Variants in RAC3 observed in about 807,000 individuals in gnomAD.
The protein encoded by RAC3 is ras-related C3 botulinum toxin substrate 3.
A neutral mutation model predicts 19.0 loss-of-function variants in RAC3; 9 were observed. The observed-to-expected ratio is 0.47, with a 90% confidence interval of 0.29 to 0.83. The LOEUF (loss-of-function observed/expected upper bound fraction) is 0.83. Ranked by LOEUF, RAC3 falls within the 40% of genes least tolerant of loss-of-function variation. RAC3 has a pLI of 0.09. For synonymous variants in RAC3, 146 were observed against 111.8 expected (o/e 1.31, Z -1.93); for missense variants, 203 against 260.8 (o/e 0.78, Z 1.53).
Position 82,033,834 on chromosome 17 carries a change from C to T in RAC3, c.*5C>T. 1 of 1,588,762 alleles carries T rather than the reference C, an allele frequency of 6.3e-7. No homozygotes were observed. ...AAGAAGTGCACCGTCTTCTAGAGCC[C>T]TGGCCCACCCGAGCCTGAGGGCTGG... On this transcript the variant is annotated 3_prime_UTR_variant, in exon 6 of 6. Transcript: ENST00000306897. The surrounding 1 kb of genome is among the most constrained non-coding windows in gnomAD (Gnocchi z 6.2).
rs2043442130 is a variant in RAC3, at chr17:82,032,635, C to G, written c.108-76C>G. On this transcript the variant is annotated intron_variant, in intron 2 of 5. Coordinates refer to ENST00000306897, the MANE Select transcript of RAC3 (RefSeq NM_005052.3). ...CTAGTTCTGTGCAGACTTGTGAACC[C>G]CAAGACACAGGCCAGCAGGGCTGGG... is the stretch of plus-strand genomic sequence containing the variant. 2.0e-5 allele frequency: 30 copies of G among 1,498,028 alleles called. 1 individual carries two copies. Among genetic ancestry groups the G allele is most frequent in the Non-Finnish European group, 2.8e-5 (30 of 1,077,326 alleles). The allele number at this position is 1,498,028 out of a possible 1,614,324, so 92.8% of individuals were successfully genotyped here.
chr17:82,032,161 C>A (rs559439239), intron 1 of RAC3: 2 of 568,394 alleles, frequency 3.5e-6, no homozygotes, highest in Non-Finnish European at 6.2e-6. Flanking sequence ...CTGCCTGGGG[C>A]CCCAGTGTGG....
intron 1 of RAC3, 191 bp from the exon 2 acceptor site, chr17:82,032,195 AC>A (rs1235296068): frequency 5.0e-6 from 3 of 600,938 alleles, no homozygotes; most frequent in Non-Finnish European, 8.8e-6. Context: ...CTTATTCACC[AC>A]CCCAGCCCCC....
In RAC3 at chr17:82,031,728, C is replaced by G. The variant is rs1379604921; in HGVS notation, c.-34C>G. On this transcript the variant is annotated 5_prime_UTR_variant, in exon 1 of 6. Transcript: ENST00000306897. ...CCGGGCATTTCTCCGCAGCTCGGCT[C>G]GCGGCCGCGCCCGCCGCCGCCCGGC... is the stretch of plus-strand genomic sequence containing the variant. The G allele has an allele frequency of 3.0e-6, 3 of 986,626 alleles. No homozygotes were observed. Among genetic ancestry groups the G allele is most frequent in the Non-Finnish European group, 3.6e-6 (3 of 832,362 alleles). 61.1% of individuals were successfully genotyped at this position (986,626 alleles called of 1,614,324 possible). A position where few individuals can be genotyped will look rare whatever the true frequency, so the allele number is the denominator to read the frequency against.
rs573293159 is a variant in RAC3, at chr17:82,032,938, T to C, written c.226-9T>C. ...TGACCACTCCACCAGGTCCCACCTT[T>C]TTCCCAAGGACGTCTTTCTGATCTG... On this transcript the variant is annotated splice_polypyrimidine_tract_variant and intron_variant, in intron 3 of 5. Transcript: ENST00000306897. 11 of 1,613,512 alleles carry C rather than the reference T, an allele frequency of 6.8e-6. No individual in the cohort carries two copies. In the African/African-American group the frequency reaches 1.5e-4, roughly 22 times the overall value.
rs998681288 is a variant in RAC3, at chr17:82,032,651, C to A, written c.108-60C>A. The A allele has an allele frequency of 9.4e-5, 144 of 1,524,374 alleles. 1 individual carries two copies. Among genetic ancestry groups the A allele is most frequent in the Non-Finnish European group, 1.2e-4 (131 of 1,100,176 alleles). 94.4% of individuals were successfully genotyped at this position (1,524,374 alleles called of 1,614,324 possible). A position where few individuals can be genotyped will look rare whatever the true frequency, so the allele number is the denominator to read the frequency against. ...TTGTGAACCCCAAGACACAGGCCAGCAGGGCTGGGGGTTTCTGGGACCCCT... is the reference window on the plus strand; with the variant it reads ...TTGTGAACCCCAAGACACAGGCCAGAAGGGCTGGGGGTTTCTGGGACCCCT... On this transcript the variant is annotated intron_variant, in intron 2 of 5. Coordinates refer to ENST00000306897, the MANE Select transcript of RAC3 (RefSeq NM_005052.3).
rs565087961 is a variant in RAC3, at chr17:82,032,486, A to G, written c.107+28A>G. 230 of 1,608,114 alleles carry G rather than the reference A, an allele frequency of 1.4e-4. 7 individuals carry two copies. In the South Asian group the frequency reaches 2.5e-3, roughly 17 times the overall value. On this transcript the variant is annotated intron_variant, in intron 2 of 5. Coordinates refer to ENST00000306897, the MANE Select transcript of RAC3 (RefSeq NM_005052.3). ...GAGTGTGGGGGCTTCCCGGGAGAGCACAGGCCCTCCGTGTGAGTGTGGCAT... is the reference window on the plus strand; with the variant it reads ...GAGTGTGGGGGCTTCCCGGGAGAGCGCAGGCCCTCCGTGTGAGTGTGGCAT...
Position 82,033,964 on chromosome 17 carries a change from A to T in RAC3, c.*135A>T. On this transcript the variant is annotated 3_prime_UTR_variant, in exon 6 of 6. Transcript: ENST00000306897. The surrounding 1 kb of genome is among the most constrained non-coding windows in gnomAD (Gnocchi z 6.2). ...TGGGCCGGGGGGAAGCATGGGGATG[A>T]GGCTGGGTGGCAGGATCCTGTCCTC... 1 of 1,208,866 alleles carries T rather than the reference A, an allele frequency of 8.3e-7. No individual in the cohort carries two copies. The highest frequency in any genetic ancestry group is 2.6e-5 in the East Asian group (1 of 38,206). 74.9% of individuals were successfully genotyped at this position (1,208,866 alleles called of 1,614,324 possible).
chr17:82,033,509 C>T lies in RAC3; in HGVS notation c.358C>T (p.Arg120Cys), dbSNP rs751590813. ...CCTGGTGGGCACCAAGCTGGACCTC[C>T]GCGACGACAAGGACACCATTGAGCG... ...ILLVGTKLDL[R>C]DDKDTIERLR... is the part of the protein sequence containing the mutation. Residue 120 changes from arginine to cysteine, a missense_variant, in exon 5 of 6, where the codon CGC becomes TGC. By Grantham distance (180) the Arg-to-Cys change is radical. Around this residue, in one of 3 missense-constraint regions of RAC3, gnomAD observed 142 missense variants for 158.2 expected, o/e 0.90. Coordinates refer to ENST00000306897, the MANE Select transcript of RAC3 (RefSeq NM_005052.3). This position sits in a 1 kb window ranked among gnomAD's most constrained non-coding sequence, Gnocchi z 6.2. The T allele has an allele frequency of 2.5e-6, 4 of 1,612,836 alleles. No individual in the cohort carries two copies. The highest frequency in any genetic ancestry group is 1.7e-5 in the Admixed American group (1 of 59,990).
Position 82,033,878 on chromosome 17 carries a change from G to A in RAC3, c.*49G>A, listed in dbSNP as rs1364242800. ...GGGCTGGCGGGGAGCAGCCCTGGAC[G>A]TGTCCGCTGTTGTGTTGAGACGTGT... is the stretch of plus-strand genomic sequence containing the variant. On this transcript the variant is annotated 3_prime_UTR_variant, in exon 6 of 6. Transcript: ENST00000306897. This position sits in a 1 kb window ranked among gnomAD's most constrained non-coding sequence, Gnocchi z 6.2. 9.1e-6 allele frequency: 14 copies of A among 1,543,410 alleles called. No homozygotes were observed. The East Asian group carries it at 1.7e-4, about 19-fold the overall frequency.
At chr17:82,032,269 C>G in intron 1 of RAC3, 118 bp from the exon 2 acceptor site, 1 of 905,074 alleles carries the variant, frequency 1.1e-6, no homozygotes. Context: ...TGGGCTGGGT[C>G]CCCCTCTCGA....
At position 82,032,827 on chromosome 17, in the gene RAC3, CTG is replaced by C; in HGVS notation, c.225+1_225+2del. ...CTGCGGCCACTCTCCTACCCCCAAA[CTG>C]TACGTAACAATGGGGCCAGCCCCGG... On this transcript the variant is annotated splice_donor_variant and coding_sequence_variant, in exon 3 of 6. Coordinates refer to ENST00000306897, the MANE Select transcript of RAC3 (RefSeq NM_005052.3). LOFTEE classifies it high-confidence loss of function. The C allele has an allele frequency of 6.2e-7, 1 of 1,612,842 alleles. No individual in the cohort carries two copies. The highest frequency in any genetic ancestry group is 8.5e-7 in the Non-Finnish European group (1 of 1,179,802).
At position 82,033,325 on chromosome 17, in the gene RAC3, A is replaced by G. The variant is rs1452130755; in HGVS notation, c.289-115A>G. 2 of 1,246,998 alleles carry G rather than the reference A, an allele frequency of 1.6e-6. No individual in the cohort carries two copies. The highest frequency in any genetic ancestry group is 2.2e-6 in the Non-Finnish European group (2 of 923,806). 77.2% of individuals were successfully genotyped at this position (1,246,998 alleles called of 1,614,324 possible). ...GCCCCTGGTCACCCCTTGAAGGAAG[A>G]AGAGCCAAGTGTAGCTCTGGAACAG... is the stretch of plus-strand genomic sequence containing the variant. On this transcript the variant is annotated intron_variant, in intron 4 of 5. Transcript: ENST00000306897. The surrounding 1 kb of genome is among the most constrained non-coding windows in gnomAD (Gnocchi z 6.2).
rs1446854369 is a variant in RAC3, at chr17:82,033,333, A to AGT, written c.289-104_289-103dup. 7.8e-7 allele frequency: 1 copy of AGT among 1,288,088 alleles called. No individual in the cohort carries two copies. Among genetic ancestry groups the AGT allele is most frequent in the East Asian group, 2.5e-5 (1 of 39,790 alleles). The allele number at this position is 1,288,088 out of a possible 1,614,324, so 79.8% of individuals were successfully genotyped here. A position where few individuals can be genotyped will look rare whatever the true frequency, so the allele number is the denominator to read the frequency against. The stretch of plus-strand genomic sequence containing the variant: ...TCACCCCTTGAAGGAAGAAGAGCCA[A>AGT]GTGTAGCTCTGGAACAGTGGGGAAA... On this transcript the variant is annotated intron_variant, in intron 4 of 5. Coordinates refer to ENST00000306897, the MANE Select transcript of RAC3 (RefSeq NM_005052.3). This position sits in a 1 kb window ranked among gnomAD's most constrained non-coding sequence, Gnocchi z 6.2.
Position 82,032,189 on chromosome 17 carries a change from T to C in RAC3, c.36-198T>C, listed in dbSNP as rs1332785196. The stretch of plus-strand genomic sequence containing the variant: ...CAGTGTGGGGCGCCCTGCGCCCTTA[T>C]TCACCACCCCAGCCCCCGGAGCCCG... On this transcript the variant is annotated intron_variant, in intron 1 of 5. Transcript: ENST00000306897. 1.0e-5 allele frequency: 6 copies of C among 595,416 alleles called. No homozygotes were observed. In the African/African-American group the frequency reaches 1.1e-4, roughly 11 times the overall value. The allele number at this position is 595,416 out of a possible 1,614,324, so 36.9% of individuals were successfully genotyped here.
At chr17:82,031,836 G>T in intron 1 of RAC3, 40 bp downstream of exon 1, 1 of 957,120 alleles carries the variant, frequency 1.0e-6, no homozygotes, top group Non-Finnish European at 1.2e-6. Context: ...TGGGCTGGGC[G>T]GGAGGGGGGC....
rs745912043 is a variant in RAC3, at chr17:82,033,861, G to A, written c.*32G>A. On this transcript the variant is annotated 3_prime_UTR_variant, in exon 6 of 6. Transcript: ENST00000306897. The surrounding 1 kb of genome is among the most constrained non-coding windows in gnomAD (Gnocchi z 6.2). The stretch of plus-strand genomic sequence containing the variant: ...GGCCCACCCGAGCCTGAGGGCTGGC[G>A]GGGAGCAGCCCTGGACGTGTCCGCT... 1.4e-5 allele frequency: 22 copies of A among 1,567,454 alleles called. No individual in the cohort carries two copies. Among genetic ancestry groups the A allele is most frequent in the Admixed American group, 1.9e-5 (1 of 53,258 alleles).
Position 82,033,647 on chromosome 17 carries a change from A to G in RAC3, c.448+48A>G. ...CAGGGGAGGGGTGGGGAGGCGCAGTAAGGGCCTCCCTGTACCCCACCCTCA... is the reference window on the plus strand; with the variant it reads ...CAGGGGAGGGGTGGGGAGGCGCAGTGAGGGCCTCCCTGTACCCCACCCTCA... On this transcript the variant is annotated intron_variant, in intron 5 of 5. Transcript: ENST00000306897. The surrounding 1 kb of genome is among the most constrained non-coding windows in gnomAD (Gnocchi z 6.2). 5 of 1,602,922 alleles carry G rather than the reference A, an allele frequency of 3.1e-6. No individual in the cohort carries two copies. Among genetic ancestry groups the G allele is most frequent in the Non-Finnish European group, 4.3e-6 (5 of 1,172,768 alleles).
intron 2 of RAC3, 72 bp from the exon 3 acceptor site, chr17:82,032,639 G>C: frequency 6.7e-7 from 1 of 1,501,828 alleles, no homozygotes; most frequent in Non-Finnish European, 9.3e-7. Flanking sequence ...TGAACCCCAA[G>C]ACACAGGCCA....
Sources: allele counts gnomAD v4.1 joint callset, GRCh38; gene constraint gnomAD v4.1.1; regional missense constraint gnomAD v4.1.1; non-coding constraint Gnocchi (gnomAD v3.1); transcripts MANE v1.5; gene names NCBI Gene and HGNC (gene_info 2026-07-23, HGNC 2026-07-21).